Variants in GABRG3 observed in about 807,000 individuals in gnomAD.
GABRG3 encodes gamma-aminobutyric acid type A receptor subunit gamma3.
A neutral mutation model predicts 48.8 loss-of-function variants in GABRG3; 25 were observed. The ratio of observed to expected loss-of-function variants is 0.51; its 90% CI spans 0.37 to 0.72. The LOEUF (loss-of-function observed/expected upper bound fraction) is 0.72. GABRG3 is among the 30% of genes least tolerant of loss of function. The pLI, the probability that GABRG3 is intolerant of heterozygous loss-of-function variation, is 0.00. For missense variants in GABRG3, 394 were observed against 577.9 expected (o/e 0.68, Z 3.26); for synonymous variants, 227 against 217.6 (o/e 1.04, Z -0.38).
At chr15:27,127,356 A>G (rs1490586245) in intron 3 of GABRG3, among the ~76,000 whole-genome samples, 1 of 150,916 alleles carries the variant, frequency 6.6e-6, no homozygotes, top group Non-Finnish European at 1.5e-5. Flanking sequence ...CAGAAAGACA[A>G]ATTCTGTATG....
chr15:27,032,522 C>T (rs1194206896), intron 3 of GABRG3, among the ~76,000 whole-genome samples: 1 of 152,182 alleles, frequency 6.6e-6, no homozygotes, highest in African/African-American at 2.4e-5. Flanking sequence ...AGCTTCCAAT[C>T]ATGGCAGAGG....
At chr15:27,026,642 G>A (rs35270520) in intron 2 of GABRG3, 112 bp from the exon 3 acceptor site, 4 of 569,826 alleles carry the variant, frequency 7.0e-6, no homozygotes, top group Non-Finnish European at 1.2e-5. Context: ...CTGCTCATGT[G>A]TGTTTCCACC....
intron 5 of GABRG3, among the ~76,000 whole-genome samples, chr15:27,402,766 C>T (rs1480013088): frequency 6.6e-6 from 1 of 152,160 alleles, no homozygotes; most frequent in Non-Finnish European, 1.5e-5. Context: ...ATAGAAAATG[C>T]ACAGGCAGAG....
chr15:27,003,514 T>A (rs1216553763), intron 2 of GABRG3, among the ~76,000 whole-genome samples: 1 of 152,092 alleles, frequency 6.6e-6, no homozygotes, highest in Non-Finnish European at 1.5e-5. Flanking sequence ...ACACAGCACA[T>A]GTTTCAGAGA....
At chr15:27,444,621 T>G (rs1888887935) in intron 5 of GABRG3, among the ~76,000 whole-genome samples, 2 of 152,204 alleles carry the variant, frequency 1.3e-5, no homozygotes, top group Admixed American at 6.5e-5. Context: ...TATTAGTCCT[T>G]TTTAATATAT....
intron 3 of GABRG3, among the ~76,000 whole-genome samples, chr15:27,200,264 G>C (rs1888639351): frequency 6.6e-6 from 1 of 152,176 alleles, no homozygotes; most frequent in African/African-American, 2.4e-5. Flanking sequence ...TAGTTTATGT[G>C]GGGGCAGGCA....
chr15:27,325,196 T>G (rs537995789), intron 3 of GABRG3, among the ~76,000 whole-genome samples: 1 of 152,104 alleles, frequency 6.6e-6, no homozygotes, highest in East Asian at 1.9e-4. Context: ...ATGCACACAC[T>G]CACACACACA....
chr15:27,033,126 T>C (rs1896114951), intron 3 of GABRG3, among the ~76,000 whole-genome samples: 2 of 152,186 alleles, frequency 1.3e-5, no homozygotes, highest in South Asian at 4.1e-4. Flanking sequence ...CCTGAAATTG[T>C]GGCCCCTCCT....
intron 3 of GABRG3, among the ~76,000 whole-genome samples, chr15:27,250,897 C>T (rs994343781): frequency 4.0e-5 from 6 of 151,750 alleles, no homozygotes; most frequent in Non-Finnish European, 8.8e-5. Context: ...CTGGGTGCAG[C>T]GCTTCTCTGT....
chr15:27,022,840 C>T (rs368428670), intron 2 of GABRG3, among the ~76,000 whole-genome samples: 9 of 152,100 alleles, frequency 5.9e-5, no homozygotes, highest in African/African-American at 1.4e-4. Flanking sequence ...AGGATGAAGA[C>T]GGCCATGGAG....
chr15:27,117,009 GA>G (rs1422397648), intron 3 of GABRG3, among the ~76,000 whole-genome samples: 1 of 152,166 alleles, frequency 6.6e-6, no homozygotes, highest in Non-Finnish European at 1.5e-5. Context: ...AGTACACACA[GA>G]AAGACACCAT....
At chr15:27,060,192 T>A (rs1446975269) in intron 3 of GABRG3, among the ~76,000 whole-genome samples, 1 of 152,236 alleles carries the variant, frequency 6.6e-6, no homozygotes, top group Non-Finnish European at 1.5e-5. Context: ...GGAGAAGAGA[T>A]TGTCTAAGAC....
At chr15:27,072,747 G>A (rs1896849261) in intron 3 of GABRG3, among the ~76,000 whole-genome samples, 2 of 152,200 alleles carry the variant, frequency 1.3e-5, no homozygotes, top group South Asian at 4.1e-4. Flanking sequence ...AGGAGGAAGG[G>A]GGGTTTGCCA....
chr15:27,332,921 A>T (rs889274267), intron 5 of GABRG3, among the ~76,000 whole-genome samples: 4 of 152,174 alleles, frequency 2.6e-5, no homozygotes, highest in African/African-American at 9.7e-5. Flanking sequence ...TAATTAATTA[A>T]AAATTTCCTA....
In GABRG3 at chr15:27,012,266, G is replaced by T. The variant is rs1895703087; in HGVS notation, c.203-14488G>T. ...TTTGATTTCTGTTGTTTCTTATAAG[G>T]TGTCAGCCATGATCTTAACTATTTT... On this transcript the variant is annotated intron_variant, in intron 2 of 9. Coordinates refer to ENST00000615808, the MANE Select transcript of GABRG3 (RefSeq NM_033223.5). Among the ~76,000 whole-genome samples the T allele has an allele frequency of 2.0e-5, 3 of 152,058 alleles. No homozygotes were observed. In the South Asian group the frequency reaches 6.2e-4, roughly 32 times the overall value.
At chr15:27,209,248 G>A (rs1035861630) in intron 3 of GABRG3, among the ~76,000 whole-genome samples, 5 of 152,254 alleles carry the variant, frequency 3.3e-5, no homozygotes, top group Admixed American at 1.3e-4. Flanking sequence ...CAGGCCAAAC[G>A]AAGAGTGGTT....
At chr15:27,204,845 G>A (rs1363164043) in intron 3 of GABRG3, among the ~76,000 whole-genome samples, 2 of 152,032 alleles carry the variant, frequency 1.3e-5, no homozygotes, top group African/African-American at 4.8e-5. Context: ...CAGCATGAGT[G>A]TTATTGGTGT....
chr15:27,528,592 C>G (rs961158967), intron 9 of GABRG3, among the ~76,000 whole-genome samples: 1 of 152,204 alleles, frequency 6.6e-6, no homozygotes, highest in Non-Finnish European at 1.5e-5. Context: ...ACTCCACCAG[C>G]TCCATCAGCA....
In GABRG3 at chr15:27,236,621, C is replaced by T. The variant is rs964440946; in HGVS notation, c.271-90188C>T. Among the ~76,000 whole-genome samples, 1 of 152,200 alleles carries T rather than the reference C, an allele frequency of 6.6e-6. No individual in the cohort carries two copies. Among genetic ancestry groups the T allele is most frequent in the East Asian group, 1.9e-4 (1 of 5,184 alleles). ...TTACAGCCTCAGCGTGACAGCCCAC[C>T]AGTTTCACAATACACCTGTTCCTGA... On this transcript the variant is annotated intron_variant, in intron 3 of 9. Transcript: ENST00000615808. The surrounding 1 kb of genome is among the most constrained non-coding windows in gnomAD (Gnocchi z 4.4).
Sources: gnomAD v4.1 joint callset for allele counts (sites outside exome capture counted in the v4.1 genomes callset) on GRCh38, gnomAD v4.1.1 for gene constraint, Gnocchi (gnomAD v3.1) non-coding constraint, MANE v1.5 for transcripts, NCBI Gene and HGNC (gene_info 2026-07-23, HGNC 2026-07-21) for gene names.